Variants in ESR2 observed in about 807,000 individuals in gnomAD.
ESR2 encodes estrogen receptor 2, also known as estrogen receptor beta.
Under a neutral mutation model 49.6 loss-of-function variants are expected in ESR2, and 36 were observed. The observed-to-expected ratio is 0.73, with a 90% CI of 0.56 to 0.96. The LOEUF (loss-of-function observed/expected upper bound fraction) is 0.96, where lower values mean the gene tolerates loss of function less well. Ranked by LOEUF, ESR2 falls within the 40% of genes least tolerant of loss-of-function variation. ESR2 has a pLI of 0.00. For synonymous variants in ESR2, 320 were observed against 266.1 expected, an observed-to-expected ratio of 1.20 and a Z score of -1.97; for missense variants, 714 against 693.0, an observed-to-expected ratio of 1.03 and a Z score of -0.34.
chr14:64,300,902 A>C (rs1397942676), intron 1 of ESR2, among the ~76,000 whole-genome samples: 1 of 152,238 alleles, frequency 6.6e-6, no homozygotes, highest in African/African-American at 2.4e-5. Flanking sequence ...TACCTGAGAC[A>C]CAAGGAAATA....
At position 64,260,702 on chromosome 14, in the gene ESR2, T is replaced by TAG. The variant is rs1458242440; in HGVS notation, c.698_699insCT (p.Arg233SerfsTer2). On this transcript the variant is annotated frameshift_variant, in exon 5 of 9. Transcript: ENST00000341099. LOFTEE classifies it high-confidence loss of function. ...CACAGTGCAGCTGCTCGTCGGCACT[T>TAG]CTCTGTCTCCGCACAAGGCGGTACC... 5.8e-6 allele frequency: 9 copies of TAG among 1,557,710 alleles called. No individual in the cohort carries two copies. The highest frequency in any genetic ancestry group is 7.8e-6 in the Non-Finnish European group (9 of 1,148,456).
In ESR2 at chr14:64,229,349, G is replaced by A. The variant is rs142984594; in HGVS notation, c.*3788C>T. On this transcript the variant is annotated 3_prime_UTR_variant, in exon 9 of 9. Transcript: ENST00000341099. ...CCCGCTAGGCAAGCAGAAGACTTGCGTGCCAGTCCAAGCTTTGCCATGAGT... is the reference window on the plus strand; with the variant it reads ...CCCGCTAGGCAAGCAGAAGACTTGCATGCCAGTCCAAGCTTTGCCATGAGT... Among the ~76,000 whole-genome samples the A allele has an allele frequency of 1.4e-4, 22 of 152,172 alleles. 2 individuals are homozygous for A. The South Asian group carries it at 3.7e-3, about 26-fold the overall frequency.
At chr14:64,277,694 T>G (rs1309740947) in intron 3 of ESR2, among the ~76,000 whole-genome samples, 1 of 151,878 alleles carries the variant, frequency 6.6e-6, no homozygotes, top group Admixed American at 6.6e-5. Flanking sequence ...CCTGGCCTAT[T>G]TGAGACAATT....
chr14:64,227,967 T>C, downstream of ESR2: 2 of 1,583,796 alleles, frequency 1.3e-6, no homozygotes, highest in Non-Finnish European at 1.7e-6. Flanking sequence ...TCAGAATGAT[T>C]ACAGAAAATC....
At chr14:64,234,775 A>G (rs988306398) in intron 8 of ESR2, 195 bp downstream of exon 8, 2 of 1,248,754 alleles carry the variant, frequency 1.6e-6, no homozygotes, top group Non-Finnish European at 2.1e-6. Flanking sequence ...AGCCTGTAAG[A>G]TACCACATGA....
intron 3 of ESR2, among the ~76,000 whole-genome samples, chr14:64,277,366 C>T (rs908420555): frequency 6.6e-5 from 10 of 152,060 alleles, no homozygotes; most frequent in African/African-American, 2.2e-4. Flanking sequence ...TGGCTCACAC[C>T]TGTAATCCCA....
intron 3 of ESR2, among the ~76,000 whole-genome samples, chr14:64,277,693 T>C (rs1352650572): frequency 2.0e-5 from 3 of 151,364 alleles, no homozygotes; most frequent in Non-Finnish European, 4.4e-5. Context: ...TCCTGGCCTA[T>C]TTGAGACAAT....
chr14:64,249,818 G>T (rs2075954433), intron 6 of ESR2, 139 bp from the exon 7 acceptor site: 6 of 798,300 alleles, frequency 7.5e-6, no homozygotes, highest in Non-Finnish European at 9.7e-6. Flanking sequence ...CTACAACAGG[G>T]TGTTAATGAG....
intron 1 of ESR2, among the ~76,000 whole-genome samples, chr14:64,327,891 A>C (rs1374138803): frequency 1.3e-5 from 2 of 151,188 alleles, no homozygotes; most frequent in Non-Finnish European, 2.9e-5. Context: ...ATAAATAAAA[A>C]CAAAATATAT....
chr14:64,267,747 G>A (rs1360482452), intron 4 of ESR2, among the ~76,000 whole-genome samples: 2 of 151,796 alleles, frequency 1.3e-5, no homozygotes, highest in Non-Finnish European at 2.9e-5. Context: ...AGCCAGGCGT[G>A]GTGGTGGGTG....
At chr14:64,299,168 G>A (rs1444126564), upstream of ESR2, among the ~76,000 whole-genome samples, 1 of 149,344 alleles carries the variant, frequency 6.7e-6, no homozygotes, top group East Asian at 2.1e-4. Flanking sequence ...AAAAAAAAAA[G>A]GTACAGACAG....
intron 1 of ESR2, among the ~76,000 whole-genome samples, chr14:64,331,822 C>CAAAAAAAA (rs368932180): frequency 7.6e-5 from 4 of 52,414 alleles, no homozygotes; most frequent in African/African-American, 6.8e-5. Context: ...GACTCCATCT[C>CAAAAAAAA]AAAAAAAAAA....
chr14:64,274,406 T>C (rs1341043275), intron 3 of ESR2, among the ~76,000 whole-genome samples: 1 of 152,220 alleles, frequency 6.6e-6, no homozygotes, highest in Non-Finnish European at 1.5e-5. Context: ...TAGTTGCTTA[T>C]AATAGCCTAT....
At chr14:64,275,593 C>T (rs1472206099) in intron 3 of ESR2, among the ~76,000 whole-genome samples, 1 of 151,964 alleles carries the variant, frequency 6.6e-6, no homozygotes, top group Non-Finnish European at 1.5e-5. Flanking sequence ...ATCCCAGCTA[C>T]TTGGGAGGCT....
rs138749010 is a variant in ESR2 at position 64,326,106 on chromosome 14, T to C, written c.-91+11792A>G. Among the ~76,000 whole-genome samples the C allele has an allele frequency of 2.6e-3, 391 of 152,262 alleles. 3 individuals are homozygous for C. The highest frequency in any genetic ancestry group is 8.3e-3 in the African/African-American group (344 of 41,548). ...AAATGGAGCCAACACATAAATTGGA[T>C]CATGTAGACCCTTGCTTTACATACA... On this transcript the variant is annotated intron_variant, in intron 1 of 8. Transcript: ENST00000358599.
chr14:64,279,978 T>C lies in ESR2; in HGVS notation c.535+3A>G, dbSNP rs763893630. ...AAAGAAGCAGTTAACAATTCTCTTGTACCTTGAATGCTTCTTTTAAAAAAG... is the reference window on the plus strand; with the variant it reads ...AAAGAAGCAGTTAACAATTCTCTTGCACCTTGAATGCTTCTTTTAAAAAAG... On this transcript the variant is annotated splice_donor_region_variant and intron_variant, in intron 3 of 8. Transcript: ENST00000341099. The C allele has an allele frequency of 6.2e-7, 1 of 1,611,876 alleles. No homozygotes were observed. Among genetic ancestry groups the C allele is most frequent in the African/African-American group, 1.3e-5 (1 of 74,896 alleles).
At chr14:64,295,673 G>T (rs1193890906), upstream of ESR2, among the ~76,000 whole-genome samples, 1 of 152,060 alleles carries the variant, frequency 6.6e-6, no homozygotes. Flanking sequence ...CTGTCCTGGG[G>T]TCTCTCAAAG....
rs1256054 is a variant in ESR2 at position 64,249,595 on chromosome 14, G to C, written c.1176C>G (p.Leu392=). Residue 392 remains leucine (L), a synonymous_variant, in exon 7 of 9, where the codon CTC becomes CTG. Transcript: ENST00000341099. The part of the protein sequence containing the change: ...ATTSRFRELK[L]QHKEYLCVKA... ...TGACACAGAGATATTCTTTGTGTTG[G>C]AGTTTTAACTCTCGAAACCTTGAAG... The C allele has an allele frequency of 1.2e-3, 1,958 of 1,613,912 alleles. 42 individuals carry two copies. In the East Asian group the frequency reaches 0.041, roughly 34 times the overall value.
chr14:64,296,871 C>T (rs142214878), upstream of ESR2, among the ~76,000 whole-genome samples: 875 of 152,288 alleles, frequency 5.7e-3, 11 homozygotes, highest in African/African-American at 0.02. Context: ...TCACCCTGTC[C>T]ATCAAGAAAG....
Sources: gnomAD v4.1 joint callset for allele counts (sites outside exome capture counted in the v4.1 genomes callset) on GRCh38, gnomAD v4.1.1 for gene constraint, MANE v1.5 for transcripts, NCBI Gene and HGNC (gene_info 2026-07-23, HGNC 2026-07-21) for gene names.